The following FRAS1 variants were observed in gnomAD, a reference collection of about 807,000 sequenced individuals.
The protein encoded by FRAS1 is Fraser extracellular matrix complex subunit 1.
Under a neutral mutation model 435.2 loss-of-function variants are expected in FRAS1, and 290 were observed. The observed-to-expected ratio is 0.67, with a 90% CI of 0.61 to 0.73. FRAS1 has a LOEUF of 0.73. Among genes scored for constraint, FRAS1 ranks in the 30% least tolerant of loss-of-function variants. The probability of loss-of-function intolerance (pLI) is 0.00; values close to 1 mark genes in which losing one functional copy is unlikely to be tolerated. For missense variants in FRAS1, 4,860 were observed against 5,001.5 expected (o/e 0.97, Z 0.85); for synonymous variants, 1,800 against 1,851.0 (o/e 0.97, Z 0.71).
At chr4:78,516,762 A>G (rs1473840845) in intron 66 of FRAS1, among the ~76,000 whole-genome samples, 1 of 152,232 alleles carries the variant, frequency 6.6e-6, no homozygotes, top group Non-Finnish European at 1.5e-5. Flanking sequence ...TTATAAAACC[A>G]TCAGATCTCA....
rs774048847 is a variant in FRAS1, at chr4:78,252,532, A to G, written c.450A>G (p.Pro150=). 1.2e-6 allele frequency: 2 copies of G among 1,613,486 alleles called. No individual in the cohort carries two copies. The highest frequency in any genetic ancestry group is 3.3e-5 in the Admixed American group (2 of 59,954). ...TCATCCCTGAAGGAAGCTGCTGCCCAGTTTGTGTGGGCCTTGGGAGTGAGT... is the reference window on the plus strand; with the variant it reads ...TCATCCCTGAAGGAAGCTGCTGCCCGGTTTGTGTGGGCCTTGGGAGTGAGT... The part of the protein sequence containing the change: ...LAFIPEGSCC[P]VCVGLGKPCS... The change falls in exon 5 of 74, where the codon CCA becomes CCG. Residue 150 remains proline, a synonymous_variant. Transcript: ENST00000512123.
intron 30 of FRAS1, among the ~76,000 whole-genome samples, chr4:78,405,880 A>G (rs1280491529): frequency 6.6e-6 from 1 of 152,200 alleles, no homozygotes; most frequent in East Asian, 1.9e-4. Flanking sequence ...TTGGTCTTCA[A>G]TTGAAGGCAT....
At chr4:78,124,600 TC>T (rs1236252805) in intron 2 of FRAS1, among the ~76,000 whole-genome samples, 2 of 152,212 alleles carry the variant, frequency 1.3e-5, no homozygotes, top group Admixed American at 6.5e-5. Context: ...ATCTGTCTGG[TC>T]CTGGACTTTT....
chr4:78,267,297 C>G lies in FRAS1; in HGVS notation c.846C>G (p.Ala282=). 1 of 1,613,754 alleles carries G rather than the reference C, an allele frequency of 6.2e-7. No homozygotes were observed. The highest frequency in any genetic ancestry group is 2.2e-5 in the East Asian group (1 of 44,856). Residue 282 remains alanine (A), a synonymous_variant, in exon 9 of 74, where the codon GCC becomes GCG. Coordinates refer to ENST00000512123, the MANE Select transcript of FRAS1 (RefSeq NM_025074.7). ...GQCCEECVSP[A]GSCSYDGVVR... is the part of the protein sequence containing the mutation. Reference sequence around the variant, plus strand: ...GCTGTGAGGAATGTGTGTCTCCTGCCGGGAGCTGCTCCTATGATGGAGTTG... The same window carrying G: ...GCTGTGAGGAATGTGTGTCTCCTGCGGGGAGCTGCTCCTATGATGGAGTTG...
intron 2 of FRAS1, among the ~76,000 whole-genome samples, chr4:78,140,657 GTATATACA>G (rs1720125409): frequency 7.2e-6 from 1 of 139,260 alleles, no homozygotes; most frequent in African/African-American, 3.3e-5. Context: ...ATGTATATAC[GTATATACA>G]TATGTGTATA....
chr4:78,314,313 C>T (rs186187050), intron 15 of FRAS1, among the ~76,000 whole-genome samples: 2 of 152,278 alleles, frequency 1.3e-5, no homozygotes, highest in African/African-American at 2.4e-5. Flanking sequence ...GGCACTCCCC[C>T]ACACCTATTC....
chr4:78,310,309 C>G (rs1163753278), intron 15 of FRAS1, among the ~76,000 whole-genome samples: 1 of 152,190 alleles, frequency 6.6e-6, no homozygotes, highest in African/African-American at 2.4e-5. Context: ...TGGTTACTGT[C>G]ACTGATGGAG....
chr4:78,385,042 C>A (rs1212314046), intron 28 of FRAS1, among the ~76,000 whole-genome samples: 5 of 151,950 alleles, frequency 3.3e-5, no homozygotes, highest in African/African-American at 4.8e-5. Context: ...TCTAGTGTGC[C>A]AGTGTGGCCA....
chr4:78,330,766 A>G (rs1314460676), intron 18 of FRAS1, among the ~76,000 whole-genome samples: 2 of 152,234 alleles, frequency 1.3e-5, no homozygotes, highest in Admixed American at 6.5e-5. Flanking sequence ...GATGTTATCA[A>G]TGACAATGGT....
At chr4:78,140,489 A>T (rs1388675448) in intron 2 of FRAS1, among the ~76,000 whole-genome samples, 7 of 152,244 alleles carry the variant, frequency 4.6e-5, no homozygotes, top group African/African-American at 1.7e-4. Context: ...CCTCTGAACC[A>T]CAGTTTCTTA....
At chr4:78,507,387 C>T in intron 61 of FRAS1, 34 bp from the exon 62 acceptor site, 16 of 1,576,042 alleles carry the variant, frequency 1.0e-5, no homozygotes, top group Non-Finnish European at 1.3e-5. Context: ...CCTAATGAAG[C>T]CTTTGCTCTC....
chr4:78,519,233 C>G, intron 66 of FRAS1, 98 bp from the exon 67 acceptor site: 1 of 1,035,204 alleles, frequency 9.7e-7, no homozygotes, highest in Non-Finnish European at 1.4e-6. Flanking sequence ...AAGTGTGTGA[C>G]TACATGGGTG....
chr4:78,441,778 T>G (rs1462658827), intron 41 of FRAS1, among the ~76,000 whole-genome samples: 8 of 152,234 alleles, frequency 5.3e-5, no homozygotes, highest in Admixed American at 5.2e-4. Context: ...AGCTGAACCA[T>G]AGCTTCTGTC....
At chr4:78,488,760 T>G in intron 58 of FRAS1, 115 bp from the exon 59 acceptor site, 1 of 854,068 alleles carries the variant, frequency 1.2e-6, no homozygotes, top group Non-Finnish European at 1.8e-6. Context: ...CAGCCTACCT[T>G]GGGCTTTGGT....
At chr4:78,341,125 G>A (rs769571085) in intron 20 of FRAS1, among the ~76,000 whole-genome samples, 15 of 151,524 alleles carry the variant, frequency 9.9e-5, no homozygotes, top group Non-Finnish European at 1.8e-4. Flanking sequence ...GTATGTGAGT[G>A]TGTGGAGTGG....
chr4:78,344,361 C>T (rs1267559306), intron 20 of FRAS1, among the ~76,000 whole-genome samples: 1 of 151,914 alleles, frequency 6.6e-6, no homozygotes, highest in Non-Finnish European at 1.5e-5. Context: ...CTAATTTTAT[C>T]CCCATTTTTA....
chr4:78,482,648 G>A, intron 58 of FRAS1, 113 bp downstream of exon 58: 3 of 1,117,736 alleles, frequency 2.7e-6, no homozygotes, highest in East Asian at 2.4e-5. Flanking sequence ...AAATATGTGT[G>A]TGTAGATGTG....
intron 2 of FRAS1, among the ~76,000 whole-genome samples, chr4:78,236,263 T>A (rs1724754558): frequency 6.6e-6 from 1 of 150,542 alleles, no homozygotes; most frequent in African/African-American, 2.4e-5. Context: ...TCATTGGAGA[T>A]AAAGATGAGC....
intron 2 of FRAS1, among the ~76,000 whole-genome samples, chr4:78,216,223 C>T (rs151216607): frequency 2.8e-4 from 42 of 152,328 alleles, no homozygotes; most frequent in African/African-American, 9.6e-4. Context: ...ATGGTTTAGA[C>T]GTCAGGCTTG....
Sources: gnomAD v4.1 joint callset for allele counts (sites outside exome capture counted in the v4.1 genomes callset) on GRCh38, gnomAD v4.1.1 for gene constraint, MANE v1.5 for transcripts, NCBI Gene and HGNC (gene_info 2026-07-23, HGNC 2026-07-21) for gene names.